SPACA7: variants seen among roughly 807,000 people sequenced by gnomAD.
SPACA7 encodes the protein sperm acrosome associated 7, also known as sperm acrosome-associated protein 7.
Under a neutral mutation model 26.3 loss-of-function variants are expected in SPACA7, and 19 were observed. The ratio of observed to expected loss-of-function variants is 0.72; its 90% CI spans 0.50 to 1.06. The LOEUF is 1.06. Among genes scored for constraint, SPACA7 ranks in the 50% least tolerant of loss-of-function variants. The pLI is 0.00. For missense variants in SPACA7, 211 were observed against 229.9 expected (o/e 0.92, Z 0.53); for synonymous variants, 84 against 84.5 (o/e 0.99, Z 0.04).
intron 2 of SPACA7, among the ~76,000 whole-genome samples, chr13:112,396,082 C>T (rs1885233657): frequency 7.3e-6 from 1 of 136,666 alleles, no homozygotes; most frequent in African/African-American, 2.5e-5. Flanking sequence ...CTCCTCACAG[C>T]TGGGCCACCA....
intron 5 of SPACA7, among the ~76,000 whole-genome samples, chr13:112,431,435 G>A (rs1490729119): frequency 6.6e-6 from 1 of 152,084 alleles, no homozygotes; most frequent in Admixed American, 6.5e-5. Context: ...AAGACTTTGG[G>A]ACCTGGTAAA....
intron 1 of SPACA7, among the ~76,000 whole-genome samples, chr13:112,385,375 C>A (rs551031222): frequency 6.6e-6 from 1 of 152,278 alleles, no homozygotes; most frequent in South Asian, 2.1e-4. Context: ...CTCCAGTAAT[C>A]TTAATTTTAT....
At chr13:112,397,084 G>A (rs1885318742) in intron 2 of SPACA7, among the ~76,000 whole-genome samples, 1 of 152,244 alleles carries the variant, frequency 6.6e-6, no homozygotes, top group South Asian at 2.1e-4. Flanking sequence ...GAGGGACAGC[G>A]CGGCTGCTGG....
intron 1 of SPACA7, among the ~76,000 whole-genome samples, chr13:112,391,892 T>G (rs916646355): frequency 9.2e-5 from 14 of 152,234 alleles, no homozygotes; most frequent in African/African-American, 2.9e-4. Flanking sequence ...GGGAAGCAAT[T>G]GCCATCACAT....
intron 6 of SPACA7, among the ~76,000 whole-genome samples, chr13:112,432,960 A>G (rs1877316588): frequency 6.6e-6 from 1 of 151,636 alleles, no homozygotes; most frequent in South Asian, 2.1e-4. Flanking sequence ...GCCCTTCTCC[A>G]CTCCCTGTTC....
At chr13:112,431,999 G>A (rs894163338) in intron 5 of SPACA7, among the ~76,000 whole-genome samples, 6 of 152,218 alleles carry the variant, frequency 3.9e-5, no homozygotes, top group African/African-American at 1.4e-4. Context: ...TGGCCACGAA[G>A]AAAGGTGGGG....
intron 5 of SPACA7, among the ~76,000 whole-genome samples, chr13:112,424,375 A>C (rs1876320394): frequency 6.6e-6 from 1 of 152,084 alleles, no homozygotes; most frequent in African/African-American, 2.4e-5. Flanking sequence ...TCCCTGCAGG[A>C]GTCTGTGGAC....
At chr13:112,405,733 CTG>C (rs1189868239) in intron 5 of SPACA7, among the ~76,000 whole-genome samples, 1 of 152,076 alleles carries the variant, frequency 6.6e-6, no homozygotes, top group East Asian at 1.9e-4. Flanking sequence ...CCTATTCAAC[CTG>C]TCTTTTGTTA....
intron 1 of SPACA7, among the ~76,000 whole-genome samples, chr13:112,388,496 C>T (rs1032250290): frequency 6.6e-6 from 1 of 152,200 alleles, no homozygotes; most frequent in African/African-American, 2.4e-5. Context: ...AGAGAGAGTA[C>T]CAGAGTCAGC....
At chr13:112,427,856 T>A (rs77583340) in intron 5 of SPACA7, among the ~76,000 whole-genome samples, 4 of 152,178 alleles carry the variant, frequency 2.6e-5, no homozygotes, top group African/African-American at 7.2e-5. Context: ...AGTTTTTTTT[T>A]ATTCATTTTC....
intron 5 of SPACA7, among the ~76,000 whole-genome samples, chr13:112,419,177 G>C (rs1019095488): frequency 3.9e-5 from 6 of 152,200 alleles, no homozygotes; most frequent in Non-Finnish European, 4.4e-5. Flanking sequence ...CTACCAAACA[G>C]AGCTGGAACA....
intron 5 of SPACA7, among the ~76,000 whole-genome samples, chr13:112,410,354 T>G (rs1473275521): frequency 6.6e-6 from 1 of 151,680 alleles, no homozygotes; most frequent in African/African-American, 2.4e-5. Context: ...ACCCTAGAAC[T>G]TAAAGTACAA....
chr13:112,428,018 T>A (rs570901892), intron 5 of SPACA7, among the ~76,000 whole-genome samples: 1 of 152,198 alleles, frequency 6.6e-6, no homozygotes, highest in Admixed American at 6.5e-5. Context: ...TTTTTAATTA[T>A]AGTGATTTCT....
intron 5 of SPACA7, among the ~76,000 whole-genome samples, chr13:112,413,366 TTG>T (rs1435184366): frequency 1.1e-3 from 98 of 85,792 alleles, no homozygotes; most frequent in African/African-American, 5.7e-3. Flanking sequence ...GTTGGAAGAG[TTG>T]TTTTTTTTTT....
intron 1 of SPACA7, among the ~76,000 whole-genome samples, chr13:112,380,914 T>A (rs1884017219): frequency 6.6e-6 from 1 of 152,210 alleles, no homozygotes; most frequent in Non-Finnish European, 1.5e-5. Context: ...CATATAGCAT[T>A]CTGTAACAAA....
In SPACA7 at chr13:112,416,804, TTG is replaced by T. The variant is rs148795567; in HGVS notation, c.446-15612_446-15611del. ...AGTCATTTACATATATGATTATGAGTTGTGTGTGTGTGTGTGTGTGTGTGTGT... is the reference window on the plus strand; with the variant it reads ...AGTCATTTACATATATGATTATGAGTTGTGTGTGTGTGTGTGTGTGTGTGT... On this transcript the variant is annotated intron_variant, in intron 5 of 6. Coordinates refer to ENST00000283550, the MANE Select transcript of SPACA7 (RefSeq NM_145248.5). Among the ~76,000 whole-genome samples the T allele has an allele frequency of 7.3e-3, 1,079 of 147,642 alleles. 13 individuals are homozygous for T. Among genetic ancestry groups the T allele is most frequent in the African/African-American group, 0.019 (772 of 40,290 alleles).
At chr13:112,403,746 C>T (rs1464950033) in intron 5 of SPACA7, among the ~76,000 whole-genome samples, 2 of 152,182 alleles carry the variant, frequency 1.3e-5, no homozygotes, top group African/African-American at 4.8e-5. Context: ...GCTATGAATG[C>T]CATTATTTCA....
At chr13:112,392,955 T>C in intron 1 of SPACA7, 66 bp from the exon 2 acceptor site, 1 of 1,453,834 alleles carries the variant, frequency 6.9e-7, no homozygotes, top group South Asian at 1.2e-5. Flanking sequence ...ACCATATCCA[T>C]TTAAAGAGAA....
At chr13:112,388,260 G>A (rs1884657963) in intron 1 of SPACA7, among the ~76,000 whole-genome samples, 1 of 152,110 alleles carries the variant, frequency 6.6e-6, no homozygotes, top group Admixed American at 6.5e-5. Context: ...AAATCTTCCT[G>A]AGTGAGAAGT....
Sources: allele counts gnomAD v4.1 joint callset (sites outside exome capture counted in the v4.1 genomes callset), GRCh38; gene constraint gnomAD v4.1.1; transcripts MANE v1.5; gene names NCBI Gene and HGNC (gene_info 2026-07-23, HGNC 2026-07-21).